KIF3A: variants seen among roughly 807,000 people sequenced by gnomAD.
The protein encoded by KIF3A is kinesin-like protein KIF3A.
In KIF3A, 27 loss-of-function variants were observed where a neutral mutation model predicts 92.6. That is an observed-to-expected ratio of 0.29 (90% CI 0.21 to 0.40). The LOEUF is 0.40. KIF3A is among the 10% of genes least tolerant of loss of function. The pLI, the probability that KIF3A is intolerant of heterozygous loss-of-function variation, is 1.00. For synonymous variants in KIF3A, 250 were observed against 275.4 expected (o/e 0.91, Z 0.92); for missense variants, 581 against 872.6 (o/e 0.67, Z 4.21).
intron 14 of KIF3A, 103 bp downstream of exon 14, chr5:132,702,455 A>T: frequency 1.4e-6 from 1 of 728,336 alleles, no homozygotes; most frequent in Non-Finnish European, 2.2e-6. Flanking sequence ...TATTTCTTTT[A>T]AATTATAAGC....
chr5:132,725,762 A>G (rs1486390320), intron 4 of KIF3A, among the ~76,000 whole-genome samples: 1 of 152,182 alleles, frequency 6.6e-6, no homozygotes, highest in African/African-American at 2.4e-5. Flanking sequence ...AATGCTCTAT[A>G]TTATTCTACA....
At chr5:132,702,259 T>C (rs1208128239) in intron 14 of KIF3A, 47 bp from the exon 15 acceptor site, 2 of 1,588,558 alleles carry the variant, frequency 1.3e-6, no homozygotes, top group South Asian at 1.1e-5. Flanking sequence ...AGACTTTAAC[T>C]ACAAAACAGC....
intron 1 of KIF3A, among the ~76,000 whole-genome samples, 172 bp downstream of exon 1, chr5:132,737,242 G>A (rs1297680231): frequency 1.3e-5 from 2 of 152,192 alleles, no homozygotes; most frequent in Non-Finnish European, 2.9e-5. Flanking sequence ...CCGGACCCCC[G>A]CGGCCCCGGG....
At chr5:132,727,255 G>C (rs1447276494) in intron 2 of KIF3A, among the ~76,000 whole-genome samples, 1 of 152,152 alleles carries the variant, frequency 6.6e-6, no homozygotes, top group Admixed American at 6.6e-5. Flanking sequence ...CATTGTGCTA[G>C]GCACTAGAGA....
chr5:132,729,465 C>A (rs1029949499), intron 2 of KIF3A, among the ~76,000 whole-genome samples: 1 of 146,034 alleles, frequency 6.8e-6, no homozygotes, highest in Non-Finnish European at 1.5e-5. Context: ...AAAAACAAAA[C>A]AAACAGAAAA....
At chr5:132,711,804 C>A (rs1043860282) in intron 8 of KIF3A, among the ~76,000 whole-genome samples, 10 of 152,074 alleles carry the variant, frequency 6.6e-5, no homozygotes, top group Non-Finnish European at 1.0e-4. Flanking sequence ...AATGATCCCA[C>A]TTTTAGGACT....
At chr5:132,713,055 G>C (rs987736373) in intron 8 of KIF3A, among the ~76,000 whole-genome samples, 1 of 152,200 alleles carries the variant, frequency 6.6e-6, no homozygotes, top group Non-Finnish European at 1.5e-5. Context: ...CTACTCAGGA[G>C]GTTGAGGCAG....
At chr5:132,706,374 T>C in intron 11 of KIF3A, 77 bp downstream of exon 11, 1 of 1,059,426 alleles carries the variant, frequency 9.4e-7, no homozygotes, top group Non-Finnish European at 1.3e-6. Context: ...ATTTTAAAAA[T>C]TTAATGTATT....
rs1753593460 is a variant in KIF3A at position 132,715,625 on chromosome 5, T to C, written c.1129+132A>G. ...AGTATGTAAGTACCAAGTCACTTTC[T>C]AGAAATATTCATTTAACTACCAATG... On this transcript the variant is annotated intron_variant, in intron 8 of 18. Coordinates refer to ENST00000403231, the MANE Select transcript of KIF3A (RefSeq NM_001300791.2). 9.7e-6 allele frequency: 6 copies of C among 617,898 alleles called. No homozygotes were observed. The South Asian group carries it at 1.3e-4, about 14-fold the overall frequency. 38.3% of individuals were successfully genotyped at this position (617,898 alleles called of 1,614,324 possible).
intron 11 of KIF3A, among the ~76,000 whole-genome samples, chr5:132,706,064 T>G (rs139833793): frequency 1.8e-3 from 269 of 152,186 alleles, no homozygotes; most frequent in African/African-American, 6.0e-3. Flanking sequence ...CTAACCAATA[T>G]TGTGAACGTT....
chr5:132,731,797 G>A (rs147712579), intron 2 of KIF3A, among the ~76,000 whole-genome samples: 2,030 of 151,244 alleles, frequency 0.013, 74 homozygotes, highest in East Asian at 0.11. Flanking sequence ...TGCAACCTCC[G>A]CCTCCGAGGT....
chr5:132,734,329 A>G lies in KIF3A; in HGVS notation c.156T>C (p.Asp52=), dbSNP rs757059989. The G allele has an allele frequency of 6.2e-7, 1 of 1,614,198 alleles. No individual in the cohort carries two copies. The highest frequency in any genetic ancestry group is 8.5e-7 in the Non-Finnish European group (1 of 1,180,030). Residue 52 remains aspartate (D), a synonymous_variant, in exon 2 of 19, where the codon GAT becomes GAC. Transcript: ENST00000403231. ...MRGTITVHKT[D]SSNEPPKTFT... ...ATGTCTTTGGAGGTTCATTGGAAGA[A>G]TCAGTCTTATGTACAGTGATAGTTC...
intron 4 of KIF3A, among the ~76,000 whole-genome samples, chr5:132,722,177 G>A (rs1229853292): frequency 1.3e-5 from 2 of 152,142 alleles, no homozygotes; most frequent in Non-Finnish European, 2.9e-5. Context: ...CAAACTAGTG[G>A]TCTTCCAATC....
Position 132,734,204 on chromosome 5 carries a change from C to T in KIF3A, c.280+1G>A. 6.2e-7 allele frequency: 1 copy of T among 1,607,212 alleles called. No individual in the cohort carries two copies. Among genetic ancestry groups the T allele is most frequent in the Non-Finnish European group, 8.5e-7 (1 of 1,176,540 alleles). Reference sequence around the variant, plus strand: ...TTTTTAAAAAGTAAAGATTCACTTACCATTGTAGCCTTCAAGTACAGAATC... The same window carrying T: ...TTTTTAAAAAGTAAAGATTCACTTATCATTGTAGCCTTCAAGTACAGAATC... On this transcript the variant is annotated splice_donor_variant, in intron 2 of 18. Transcript: ENST00000403231. LOFTEE classifies it high-confidence loss of function.
At position 132,737,471 on chromosome 5, in the gene KIF3A, C is replaced by G; in HGVS notation, c.-52G>C. On this transcript the variant is annotated 5_prime_UTR_variant, in exon 1 of 19. Coordinates refer to ENST00000403231, the MANE Select transcript of KIF3A (RefSeq NM_001300791.2). ...CGTCCCCGCCCGGGGTGCAGCCCAG[C>G]GACACCGGGTGCGCAGAAAGGATGG... 6.3e-7 allele frequency: 1 copy of G among 1,593,068 alleles called. No homozygotes were observed. Among genetic ancestry groups the G allele is most frequent in the Non-Finnish European group, 8.5e-7 (1 of 1,170,312 alleles).
chr5:132,729,396 G>A (rs1170760774), intron 2 of KIF3A, among the ~76,000 whole-genome samples: 1 of 152,130 alleles, frequency 6.6e-6, no homozygotes, highest in East Asian at 1.9e-4. Context: ...AGGCTGCAAT[G>A]AGCCGTTATA....
rs146965967 is a variant in KIF3A, at chr5:132,726,863, C to T, written c.281-365G>A. Among the ~76,000 whole-genome samples, 1,409 of 152,282 alleles carry T rather than the reference C, an allele frequency of 9.3e-3. 25 individuals are homozygous for T. Among genetic ancestry groups the T allele is most frequent in the African/African-American group, 0.032 (1,335 of 41,556 alleles). ...TAAGCACAGAAAAAGAATACAGGCT[C>T]TAGAGCAGGAAGACCTGTCTCAAAC... On this transcript the variant is annotated intron_variant, in intron 2 of 18. Transcript: ENST00000403231.
chr5:132,724,669 G>A (rs1055358788), intron 4 of KIF3A, among the ~76,000 whole-genome samples: 1 of 151,166 alleles, frequency 6.6e-6, no homozygotes, highest in East Asian at 1.9e-4. Flanking sequence ...GGGAGGGATA[G>A]CATTAGGAGA....
chr5:132,709,082 A>T, intron 9 of KIF3A, 104 bp from the exon 10 acceptor site: 1 of 868,216 alleles, frequency 1.2e-6, no homozygotes, highest in South Asian at 1.5e-5. Flanking sequence ...AAAAATTTTA[A>T]AGGACAATCA....
Sources: allele counts gnomAD v4.1 joint callset (sites outside exome capture counted in the v4.1 genomes callset), GRCh38; gene constraint gnomAD v4.1.1; transcripts MANE v1.5; gene names NCBI Gene and HGNC (gene_info 2026-07-23, HGNC 2026-07-21).